Variants in SAMD8 observed in about 807,000 individuals in gnomAD.
SAMD8 encodes sterile alpha motif domain containing 8.
A neutral mutation model predicts 42.0 loss-of-function variants in SAMD8; 20 were observed. The ratio of observed to expected loss-of-function variants is 0.48; its 90% confidence interval spans 0.34 to 0.69. SAMD8 has a LOEUF of 0.69. SAMD8 is among the 30% of genes least tolerant of loss of function. The pLI is 0.01. For missense variants in SAMD8, 328 were observed against 511.6 expected (o/e 0.64, Z 3.46); for synonymous variants, 162 against 173.0 (o/e 0.94, Z 0.50).
At chr10:75,114,264 G>A (rs770982868) in intron 1 of SAMD8, among the ~76,000 whole-genome samples, 8 of 151,562 alleles carry the variant, frequency 5.3e-5, no homozygotes, top group Non-Finnish European at 7.4e-5. Context: ...TCTTGAACCC[G>A]GGAAGCAGAG....
chr10:75,158,509 T>C (rs1337731686), intron 2 of SAMD8, among the ~76,000 whole-genome samples: 1 of 152,064 alleles, frequency 6.6e-6, no homozygotes, highest in East Asian at 1.9e-4. Context: ...GGAGAATTGC[T>C]TGAACCTAGG....
At chr10:75,172,106 C>T (rs1227712690) in intron 4 of SAMD8, among the ~76,000 whole-genome samples, 1 of 151,818 alleles carries the variant, frequency 6.6e-6, no homozygotes, top group Middle Eastern at 3.2e-3. Context: ...AACATGTATG[C>T]GTGTCAGCTT....
At chr10:75,105,517 G>T in intron 1 of SAMD8, 1 of 847,610 alleles carries the variant, frequency 1.2e-6, no homozygotes, top group Non-Finnish European at 1.8e-6. Flanking sequence ...TGGAGAGAGG[G>T]CCAGGCCCCC....
At chr10:75,123,048 A>T (rs1849040070) in intron 1 of SAMD8, among the ~76,000 whole-genome samples, 1 of 151,960 alleles carries the variant, frequency 6.6e-6, no homozygotes, top group Non-Finnish European at 1.5e-5. Flanking sequence ...TTCGTGAGGG[A>T]TATTGGCCCT....
intron 1 of SAMD8, among the ~76,000 whole-genome samples, chr10:75,136,530 A>G (rs1839889761): frequency 6.6e-6 from 1 of 152,174 alleles, no homozygotes; most frequent in Non-Finnish European, 1.5e-5. Context: ...TGAAATCAAC[A>G]ATTCAGAGGA....
At chr10:75,124,088 G>C (rs1006943760) in intron 1 of SAMD8, among the ~76,000 whole-genome samples, 2 of 152,012 alleles carry the variant, frequency 1.3e-5, no homozygotes, top group Non-Finnish European at 2.9e-5. Flanking sequence ...CAGGTTGCTA[G>C]CTTCTCTAGT....
chr10:75,128,558 A>G (rs534217084), intron 1 of SAMD8, among the ~76,000 whole-genome samples: 7 of 152,298 alleles, frequency 4.6e-5, no homozygotes, highest in African/African-American at 1.7e-4. Flanking sequence ...CATTGGTGTA[A>G]GATTAAAAGA....
chr10:75,169,509 A>C (rs1247813170), intron 4 of SAMD8, among the ~76,000 whole-genome samples: 1 of 151,770 alleles, frequency 6.6e-6, no homozygotes, highest in Non-Finnish European at 1.5e-5. Context: ...GAAAGAAAGA[A>C]AGAAAACAAT....
At position 75,150,860 on chromosome 10, in the gene SAMD8, G is replaced by A. The variant is rs1176138856; in HGVS notation, c.332G>A (p.Cys111Tyr). 6.2e-7 allele frequency: 1 copy of A among 1,613,756 alleles called. No individual in the cohort carries two copies. Reference protein sequence around the residue: ...ISALQSTDWLCNGELSHDCDG... With the variant: ...ISALQSTDWLYNGELSHDCDG... ...GCTCTTCAGAGTACAGACTGGCTCTGTAATGGGGAGCTTTCCCATGACTGT... is the reference window on the plus strand; with the variant it reads ...GCTCTTCAGAGTACAGACTGGCTCTATAATGGGGAGCTTTCCCATGACTGT... Residue 111 changes from cysteine (C) to tyrosine (Y), a missense_variant, in exon 2 of 6, where the codon TGT becomes TAT. This residue lies in a region of SAMD8 where 150 missense variants were observed against 186.0 expected (regional missense o/e 0.81). Coordinates refer to ENST00000542569, the MANE Select transcript of SAMD8 (RefSeq NM_001174156.2).
At chr10:75,101,164 G>A (rs1848133920) in intron 1 of SAMD8, among the ~76,000 whole-genome samples, 1 of 152,206 alleles carries the variant, frequency 6.6e-6, no homozygotes, top group South Asian at 2.1e-4. Context: ...TCAGCCTGAG[G>A]GTCTTGGGGA....
intron 1 of SAMD8, among the ~76,000 whole-genome samples, chr10:75,104,573 G>T (rs80174130): frequency 6.6e-6 from 1 of 152,158 alleles, no homozygotes; most frequent in South Asian, 2.1e-4. Context: ...GCTCCGCCAG[G>T]TTCCTGGGTC....
chr10:75,113,912 T>G (rs745513150), intron 1 of SAMD8, among the ~76,000 whole-genome samples: 5 of 152,266 alleles, frequency 3.3e-5, no homozygotes, highest in Non-Finnish European at 5.9e-5. Context: ...CTATTAAGAT[T>G]ACAGCTTAAT....
intron 1 of SAMD8, among the ~76,000 whole-genome samples, chr10:75,121,990 C>A (rs138210579): frequency 5.3e-5 from 8 of 152,138 alleles, no homozygotes; most frequent in African/African-American, 1.2e-4. Context: ...CCATGCCCAG[C>A]GACTTTCTTA....
intron 1 of SAMD8, among the ~76,000 whole-genome samples, chr10:75,102,529 C>T (rs1589903106): frequency 6.6e-6 from 1 of 152,202 alleles, no homozygotes; most frequent in Non-Finnish European, 1.5e-5. Context: ...GTCCCTTGGC[C>T]GGATGCAGTG....
At chr10:75,104,014 G>A (rs762038397) in intron 1 of SAMD8, 5 of 1,360,080 alleles carry the variant, frequency 3.7e-6, no homozygotes, top group Admixed American at 3.9e-5. Context: ...TGTCCGCCTG[G>A]GCCAGAGCCT....
intron 2 of SAMD8, among the ~76,000 whole-genome samples, chr10:75,154,421 T>C (rs1725593521): frequency 6.6e-6 from 1 of 152,190 alleles, no homozygotes; most frequent in South Asian, 2.1e-4. Flanking sequence ...AATAGTACTT[T>C]AGGCAAAGCA....
At chr10:75,111,416 C>T, upstream of SAMD8, 2 of 906,486 alleles carry the variant, frequency 2.2e-6, no homozygotes, top group Non-Finnish European at 2.9e-6. Context: ...TCTGGAGCCT[C>T]GCGTCTTTTC....
chr10:75,114,324 A>AT (rs1421269953), intron 1 of SAMD8, among the ~76,000 whole-genome samples: 1 of 127,596 alleles, frequency 7.8e-6, no homozygotes, highest in Non-Finnish European at 1.6e-5. Flanking sequence ...CAACAGAGTG[A>AT]TATGTCTCAA....
rs753037507 is a variant in SAMD8, at chr10:75,115,716, G to A, written c.-16+3994G>A. Among the ~76,000 whole-genome samples the A allele has an allele frequency of 1.7e-3, 263 of 152,050 alleles. 5 individuals are homozygous for A. The highest frequency in any genetic ancestry group is 2.9e-4 in the Non-Finnish European group (20 of 67,994). On this transcript the variant is annotated intron_variant, in intron 1 of 5. Transcript: ENST00000542569. ...AGCACTTTGGGAGGCCGAGGCGGGC[G>A]GATCACGAGGCCAGGAGATCGAGAC...
Sources: gnomAD v4.1 joint callset for allele counts (sites outside exome capture counted in the v4.1 genomes callset) on GRCh38, gnomAD v4.1.1 for gene constraint, gnomAD v4.1.1 regional missense constraint, MANE v1.5 for transcripts, NCBI Gene and HGNC (gene_info 2026-07-23, HGNC 2026-07-21) for gene names.